The following PPM1D variants were observed in gnomAD, a reference collection of about 807,000 sequenced individuals.
PPM1D encodes the protein protein phosphatase 1D.
A neutral mutation model predicts 58.3 loss-of-function variants in PPM1D; 52 were observed. The observed-to-expected ratio is 0.89, with a 90% CI of 0.71 to 1.12. PPM1D has a LOEUF of 1.12. Ranked by LOEUF, PPM1D falls within the 50% of genes most tolerant of loss-of-function variation. PPM1D has a pLI of 0.00. For missense variants in PPM1D, 564 were observed against 777.2 expected, an observed-to-expected ratio of 0.73 and a Z score of 3.26; for synonymous variants, 278 against 285.1, an observed-to-expected ratio of 0.98 and a Z score of 0.25.
intron 3 of PPM1D, among the ~76,000 whole-genome samples, chr17:60,635,209 C>T (rs940128810): frequency 6.6e-5 from 10 of 151,700 alleles, no homozygotes; most frequent in African/African-American, 2.4e-4. Context: ...TCCTTATATA[C>T]ACATATGGGT....
chr17:60,642,594 G>A (rs1169758243), intron 3 of PPM1D, among the ~76,000 whole-genome samples: 2 of 151,992 alleles, frequency 1.3e-5, no homozygotes, highest in Non-Finnish European at 2.9e-5. Flanking sequence ...GAGTAGCTGG[G>A]ACTACAGGCG....
At chr17:60,619,036 C>A (rs567469754) in intron 1 of PPM1D, among the ~76,000 whole-genome samples, 1 of 152,136 alleles carries the variant, frequency 6.6e-6, no homozygotes, top group Admixed American at 6.6e-5. Context: ...CCAACATCTC[C>A]CCACTTCTCC....
intron 1 of PPM1D, among the ~76,000 whole-genome samples, chr17:60,619,967 G>GT (rs370863167): frequency 4.2e-4 from 63 of 149,000 alleles, no homozygotes; most frequent in Middle Eastern, 3.4e-3. Flanking sequence ...CATTTGCCCA[G>GT]TTTTTTTTTG....
At position 60,662,969 on chromosome 17, in the gene PPM1D, A is replaced by G. The variant is rs368975893; in HGVS notation, c.1261-26A>G. ...TGAGTTCTGGGATAAATTTTTTCTTATTTGTTTTACCTTCTTATTTTTCAG... is the reference window on the plus strand; with the variant it reads ...TGAGTTCTGGGATAAATTTTTTCTTGTTTGTTTTACCTTCTTATTTTTCAG... On this transcript the variant is annotated intron_variant, in intron 5 of 5. Coordinates refer to ENST00000305921, the MANE Select transcript of PPM1D (RefSeq NM_003620.4). The G allele has an allele frequency of 1.7e-5, 26 of 1,560,856 alleles. No homozygotes were observed. In the South Asian group the frequency reaches 3.0e-4, roughly 18 times the overall value.
At position 60,649,689 on chromosome 17, in the gene PPM1D, C is replaced by CA. The variant is rs960643297; in HGVS notation, c.1017+1618dup. Among the ~76,000 whole-genome samples, 608 of 141,190 alleles carry CA rather than the reference C, an allele frequency of 4.3e-3. 3 individuals carry two copies. The highest frequency in any genetic ancestry group is 0.014 in the African/African-American group (546 of 38,590). The allele number at this position is 141,190 out of a possible 152,430, so 92.6% of individuals were successfully genotyped here. On this transcript the variant is annotated intron_variant, in intron 4 of 5. Coordinates refer to ENST00000305921, the MANE Select transcript of PPM1D (RefSeq NM_003620.4). ...GGGCAATAAGAACGAAACTCTGTCT[C>CA]AAAAAAAAAAATTGCCTCCATTCAT...
At chr17:60,655,994 T>C (rs9912917) in intron 4 of PPM1D, among the ~76,000 whole-genome samples, 20,521 of 151,802 alleles carry the variant, frequency 0.14, 4,167 homozygotes, top group African/African-American at 0.44. Flanking sequence ...AGCCATTGCG[T>C]CTGGACAACT....
intron 2 of PPM1D, among the ~76,000 whole-genome samples, chr17:60,627,565 G>C (rs920889500): frequency 6.6e-6 from 1 of 151,928 alleles, no homozygotes; most frequent in African/African-American, 2.4e-5. Flanking sequence ...GGGATTACAG[G>C]TGCCCGCCAC....
intron 1 of PPM1D, among the ~76,000 whole-genome samples, chr17:60,613,219 T>C (rs2030496722): frequency 6.6e-6 from 1 of 152,138 alleles, no homozygotes; most frequent in Admixed American, 6.5e-5. Flanking sequence ...TTTTTTTCAT[T>C]TGGACTATTT....
chr17:60,650,767 C>T (rs1375091211), intron 4 of PPM1D, among the ~76,000 whole-genome samples: 1 of 151,952 alleles, frequency 6.6e-6, no homozygotes, highest in Non-Finnish European at 1.5e-5. Context: ...TGTGGTTCAT[C>T]TAGATAGATA....
intron 2 of PPM1D, 81 bp downstream of exon 2, chr17:60,623,830 T>C (rs990612201): frequency 7.4e-7 from 1 of 1,356,244 alleles, no homozygotes; most frequent in African/African-American, 1.5e-5. Context: ...GACCTACTAC[T>C]GTCCCTTTTA....
rs117903053 is a variant in PPM1D at position 60,630,772 on chromosome 17, T to C, written c.702-3081T>C. Among the ~76,000 whole-genome samples the C allele has an allele frequency of 1.1e-4, 16 of 152,342 alleles. 1 individual carries two copies. In the East Asian group the frequency reaches 3.1e-3, roughly 29 times the overall value. ...GTCGAGAGAGCTGCTCGTCTAGTTA[T>C]GTTGGAAGCAGCTACTGTAAATTAC... On this transcript the variant is annotated intron_variant, in intron 2 of 5. Coordinates refer to ENST00000305921, the MANE Select transcript of PPM1D (RefSeq NM_003620.4).
In PPM1D at chr17:60,663,873, ATCTAT is replaced by A. The variant is rs2143734536; in HGVS notation, c.*323_*327del. On this transcript the variant is annotated 3_prime_UTR_variant, in exon 6 of 6. Coordinates refer to ENST00000305921, the MANE Select transcript of PPM1D (RefSeq NM_003620.4). ...CTAAATGTTTAAAGAAATCAAAAGA[ATCTAT>A]TAGATTTTAGAAAAACATTTAAACT... 1 of 185,632 alleles carries A rather than the reference ATCTAT, an allele frequency of 5.4e-6. No homozygotes were observed. Among genetic ancestry groups the A allele is most frequent in the African/African-American group, 2.3e-5 (1 of 42,614 alleles). The allele number at this position is 185,632 out of a possible 1,614,324, so 11.5% of individuals were successfully genotyped here. A position where few individuals can be genotyped will look rare whatever the true frequency, so the allele number is the denominator to read the frequency against.
chr17:60,615,155 G>T (rs562325996), intron 1 of PPM1D, among the ~76,000 whole-genome samples: 5 of 152,166 alleles, frequency 3.3e-5, no homozygotes, highest in African/African-American at 1.2e-4. Flanking sequence ...CCAACACTTT[G>T]GGAGGCTGAG....
chr17:60,628,877 G>A (rs894803290), intron 2 of PPM1D, among the ~76,000 whole-genome samples: 4 of 151,992 alleles, frequency 2.6e-5, no homozygotes, highest in Non-Finnish European at 5.9e-5. Context: ...GCCAGTACTC[G>A]TATGGTTTCA....
intron 5 of PPM1D, among the ~76,000 whole-genome samples, chr17:60,662,011 T>C (rs1232819107): frequency 1.3e-5 from 2 of 152,156 alleles, no homozygotes; most frequent in Non-Finnish European, 2.9e-5. Flanking sequence ...TATTTATTTA[T>C]TGTGAGACGG....
At chr17:60,632,411 A>G (rs2030940620) in intron 2 of PPM1D, among the ~76,000 whole-genome samples, 1 of 152,140 alleles carries the variant, frequency 6.6e-6, no homozygotes, top group African/African-American at 2.4e-5. Context: ...AAAACTGCCA[A>G]CAATTAGCTG....
intron 4 of PPM1D, 88 bp from the exon 5 acceptor site, chr17:60,656,511 A>G: frequency 6.6e-7 from 1 of 1,508,666 alleles, no homozygotes; most frequent in South Asian, 1.3e-5. Flanking sequence ...GGCCACAGCG[A>G]ACACCAAATA....
chr17:60,656,651 G>T lies in PPM1D; in HGVS notation c.1070G>T (p.Arg357Leu). The change falls in exon 5 of 6, where the codon CGC (arginine) becomes CTC (leucine). Residue 357 changes from arginine (R) to leucine (L), a missense_variant. Physicochemically the swap from Arg to Leu is moderately radical, Grantham distance 102 (BLOSUM62 -2). Around this residue, in one of 7 missense-constraint regions of PPM1D, gnomAD observed 18 missense variants for 43.9 expected, o/e 0.41. Coordinates refer to ENST00000305921, the MANE Select transcript of PPM1D (RefSeq NM_003620.4). ...AKMLVNRALG[R>L]WRQRMLRADN... ...ATGCTTGTGAATCGAGCATTGGGCC[G>T]CTGGAGGCAGCGTATGCTCCGAGCA... 6.2e-7 allele frequency: 1 copy of T among 1,614,168 alleles called. No homozygotes were observed. The highest frequency in any genetic ancestry group is 2.2e-5 in the East Asian group (1 of 44,882).
At position 60,623,829 on chromosome 17, in the gene PPM1D, C is replaced by T; in HGVS notation, c.701+80C>T. 4 of 1,367,070 alleles carry T rather than the reference C, an allele frequency of 2.9e-6. No homozygotes were observed. The South Asian group carries it at 5.5e-5, about 19-fold the overall frequency. The allele number at this position is 1,367,070 out of a possible 1,614,324, so 84.7% of individuals were successfully genotyped here. Reference sequence around the variant, plus strand: ...CTTTACTAATGAAATTGACCTACTACTGTCCCTTTTACTGAAGTTACTTTC... The same window carrying T: ...CTTTACTAATGAAATTGACCTACTATTGTCCCTTTTACTGAAGTTACTTTC... On this transcript the variant is annotated intron_variant, in intron 2 of 5. Transcript: ENST00000305921.
Sources: allele counts gnomAD v4.1 joint callset (sites outside exome capture counted in the v4.1 genomes callset), GRCh38; gene constraint gnomAD v4.1.1; regional missense constraint gnomAD v4.1.1; transcripts MANE v1.5; gene names NCBI Gene and HGNC (gene_info 2026-07-23, HGNC 2026-07-21).